Variants in GRM8 observed in about 807,000 individuals in gnomAD.
GRM8 encodes the protein metabotropic glutamate receptor 8.
Under a neutral mutation model 87.2 loss-of-function variants are expected in GRM8, and 47 were observed. That is an observed-to-expected ratio of 0.54 (90% CI 0.43 to 0.69). The LOEUF (loss-of-function observed/expected upper bound fraction) is 0.69, where lower values mean the gene tolerates loss of function less well. Among genes scored for constraint, GRM8 ranks in the 30% least tolerant of loss-of-function variants. GRM8 has a pLI of 0.00. For synonymous variants in GRM8, 396 were observed against 404.5 expected, an observed-to-expected ratio of 0.98 and a Z score of 0.25; for missense variants, 1,019 against 1,139.2, an observed-to-expected ratio of 0.89 and a Z score of 1.52.
chr7:126,880,131 C>G (rs1202313869), intron 6 of GRM8, among the ~76,000 whole-genome samples: 2 of 152,092 alleles, frequency 1.3e-5, no homozygotes, highest in Non-Finnish European at 2.9e-5. Context: ...AAAACATAAA[C>G]GTGCCTGATA....
intron 3 of GRM8, among the ~76,000 whole-genome samples, chr7:126,907,438 T>C (rs573624274): frequency 6.6e-6 from 1 of 152,112 alleles, no homozygotes; most frequent in Non-Finnish European, 1.5e-5. Context: ...AGGAATTTAA[T>C]TTAGATTGAG....
At chr7:127,086,188 C>T (rs1480204332) in intron 3 of GRM8, among the ~76,000 whole-genome samples, 1 of 152,190 alleles carries the variant, frequency 6.6e-6, no homozygotes, top group Non-Finnish European at 1.5e-5. Flanking sequence ...GCAACCTCCA[C>T]CTTCTGGGTT....
intron 3 of GRM8, chr7:127,076,368 G>A: frequency 3.0e-6 from 1 of 335,398 alleles, no homozygotes; most frequent in Admixed American, 3.9e-5. Context: ...AGTATCTGGG[G>A]GAGAAGGTCA....
intron 2 of GRM8, among the ~76,000 whole-genome samples, chr7:127,114,850 G>C (rs1049120861): frequency 3.9e-5 from 6 of 152,246 alleles, no homozygotes; most frequent in African/African-American, 1.2e-4. Context: ...GGTATTGTAT[G>C]AGTCATAGAG....
chr7:126,841,222 G>A (rs1005620864), intron 6 of GRM8, among the ~76,000 whole-genome samples: 5 of 152,206 alleles, frequency 3.3e-5, no homozygotes, highest in African/African-American at 1.2e-4. Flanking sequence ...AATTCAGGAA[G>A]GGCCTGCCTG....
intron 8 of GRM8, among the ~76,000 whole-genome samples, chr7:126,608,764 T>A (rs1434581071): frequency 2.0e-5 from 3 of 151,058 alleles, no homozygotes; most frequent in African/African-American, 4.9e-5. Context: ...GTGCCCTTTT[T>A]TTTTTTTTTT....
At chr7:126,624,993 T>A (rs935781769) in intron 7 of GRM8, among the ~76,000 whole-genome samples, 1 of 152,206 alleles carries the variant, frequency 6.6e-6, no homozygotes, top group African/African-American at 2.4e-5. Context: ...AAACTTCTAT[T>A]CTGTTTGAGT....
At chr7:127,229,084 G>T (rs1797523742) in intron 2 of GRM8, 1 of 152,152 alleles carries the variant, frequency 6.6e-6, no homozygotes, top group Non-Finnish European at 1.5e-5. Context: ...CCACTGATCA[G>T]CAGAGGCTGA....
At chr7:127,177,846 C>A (rs1264730424) in intron 2 of GRM8, among the ~76,000 whole-genome samples, 1 of 152,174 alleles carries the variant, frequency 6.6e-6, no homozygotes, top group Non-Finnish European at 1.5e-5. Context: ...AGAATCTGAA[C>A]AACAGCATTC....
intron 7 of GRM8, among the ~76,000 whole-genome samples, chr7:126,748,012 A>T (rs1815913849): frequency 6.6e-6 from 1 of 151,912 alleles, no homozygotes; most frequent in Admixed American, 6.6e-5. Context: ...AGCTTATATC[A>T]CTCATGTTTT....
At chr7:127,087,524 C>A (rs1823633915) in intron 3 of GRM8, among the ~76,000 whole-genome samples, 1 of 152,108 alleles carries the variant, frequency 6.6e-6, no homozygotes, top group African/African-American at 2.4e-5. Flanking sequence ...TGCAAGACTC[C>A]ATTTATATGA....
intron 2 of GRM8, among the ~76,000 whole-genome samples, chr7:127,129,240 T>C (rs1278063008): frequency 2.0e-5 from 3 of 152,140 alleles, no homozygotes; most frequent in East Asian, 1.9e-4. Flanking sequence ...AGCCTTTCAG[T>C]TGAGGTATAA....
chr7:126,879,568 T>A (rs1799843785), intron 6 of GRM8, among the ~76,000 whole-genome samples: 1 of 152,234 alleles, frequency 6.6e-6, no homozygotes, highest in African/African-American at 2.4e-5. Flanking sequence ...CAGAATTTTC[T>A]TAAATATTTT....
intron 9 of GRM8, among the ~76,000 whole-genome samples, chr7:126,532,136 C>T (rs371014947): frequency 2.0e-5 from 3 of 152,208 alleles, no homozygotes; most frequent in African/African-American, 4.8e-5. Flanking sequence ...TCCAACCCAG[C>T]AAACACTCCC....
chr7:126,523,524 T>G (rs1584933340), intron 9 of GRM8, among the ~76,000 whole-genome samples: 1 of 150,204 alleles, frequency 6.7e-6, no homozygotes, highest in East Asian at 1.9e-4. Flanking sequence ...TGAAACAGAG[T>G]CTCACTCTGT....
intron 7 of GRM8, among the ~76,000 whole-genome samples, chr7:126,749,818 A>G (rs1816204139): frequency 6.6e-6 from 1 of 152,136 alleles, no homozygotes; most frequent in South Asian, 2.1e-4. Flanking sequence ...TAAAATTAAA[A>G]TGACTGACAA....
At chr7:127,209,984 C>T (rs1796124658) in intron 2 of GRM8, among the ~76,000 whole-genome samples, 1 of 152,114 alleles carries the variant, frequency 6.6e-6, no homozygotes, top group African/African-American at 2.4e-5. Flanking sequence ...AGGAGGCTCT[C>T]GTGTCCTGGG....
chr7:126,537,687 G>C (rs949942028), intron 8 of GRM8, among the ~76,000 whole-genome samples: 1 of 152,096 alleles, frequency 6.6e-6, no homozygotes, highest in Non-Finnish European at 1.5e-5. Context: ...TGAGGCAGGA[G>C]AATGCTGTGA....
rs190870157 is a variant in GRM8, at chr7:126,880,718, G to T, written c.1156+21824C>A. ...TCATTCCTTATTTTTCATACTTGTT[G>T]CCACTTTGTGAACTTGCCTCCAATC... On this transcript the variant is annotated intron_variant, in intron 6 of 10. Coordinates refer to ENST00000339582, the MANE Select transcript of GRM8 (RefSeq NM_000845.3). Among the ~76,000 whole-genome samples, 548 of 152,238 alleles carry T rather than the reference G, an allele frequency of 3.6e-3. 4 individuals carry two copies. The highest frequency in any genetic ancestry group is 0.012 in the African/African-American group (517 of 41,548).
Sources: allele counts gnomAD v4.1 joint callset (sites outside exome capture counted in the v4.1 genomes callset), GRCh38; gene constraint gnomAD v4.1.1; transcripts MANE v1.5; gene names NCBI Gene and HGNC (gene_info 2026-07-23, HGNC 2026-07-21).